Variants in ANO1 observed in about 807,000 individuals in gnomAD.
ANO1 encodes anoctamin 1.
ANO1 carries 59 observed loss-of-function variants against 124.0 expected under a neutral mutation model. The ratio of observed to expected loss-of-function variants is 0.48; its 90% confidence interval spans 0.39 to 0.59. The LOEUF (loss-of-function observed/expected upper bound fraction) is 0.59, where lower values mean the gene tolerates loss of function less well. ANO1 is among the 20% of genes least tolerant of loss of function. ANO1 has a pLI of 0.00. For missense variants in ANO1, 1,059 were observed against 1,328.0 expected (o/e 0.80, Z 3.15); for synonymous variants, 529 against 532.0 (o/e 0.99, Z 0.08).
chr11:70,091,731 C>T (rs1385852164), intron 2 of ANO1, among the ~76,000 whole-genome samples: 1 of 152,136 alleles, frequency 6.6e-6, no homozygotes, highest in Admixed American at 6.5e-5. Flanking sequence ...GGCCTTTGTT[C>T]CTGGGGCGCC....
intron 1 of ANO1, among the ~76,000 whole-genome samples, chr11:70,063,022 C>T (rs543534062): frequency 2.0e-5 from 3 of 152,178 alleles, no homozygotes; most frequent in South Asian, 2.1e-4. Flanking sequence ...CTCTGCCTCC[C>T]GGGTTCAAGC....
chr11:70,080,342 C>T (rs189390348), intron 1 of ANO1, among the ~76,000 whole-genome samples: 32 of 152,162 alleles, frequency 2.1e-4, no homozygotes, highest in African/African-American at 7.2e-4. Context: ...AGAAAGCCTG[C>T]CTGAAGAATA....
chr11:70,039,598 C>A (rs1457345744), intron 1 of ANO1, among the ~76,000 whole-genome samples: 1 of 151,620 alleles, frequency 6.6e-6, no homozygotes, highest in African/African-American at 2.4e-5. Flanking sequence ...TCCCCTTCCG[C>A]AGGTGGTAGT....
chr11:70,059,813 G>A (rs1555007473), intron 1 of ANO1, among the ~76,000 whole-genome samples: 1 of 152,210 alleles, frequency 6.6e-6, no homozygotes, highest in Non-Finnish European at 1.5e-5. Context: ...ATGATCGAAG[G>A]ACCACTTGCC....
At chr11:70,176,410 G>A (rs1329058965) in intron 22 of ANO1, among the ~76,000 whole-genome samples, 1 of 152,100 alleles carries the variant, frequency 6.6e-6, no homozygotes, top group African/African-American at 2.4e-5. Flanking sequence ...GCCTACCAAA[G>A]TGCTGGGATT....
the ANO1 span, among the ~76,000 whole-genome samples, chr11:69,979,030 G>T: frequency 5.4e-4 from 82 of 152,188 alleles, no homozygotes; most frequent in African/African-American, 1.9e-3. Flanking sequence ...CCAAAAACTC[G>T]AGCGATGCGG....
At chr11:70,108,491 C>T (rs1429411433) in intron 6 of ANO1, 87 bp downstream of exon 6, 10 of 1,449,150 alleles carry the variant, frequency 6.9e-6, no homozygotes, top group East Asian at 4.6e-5. Flanking sequence ...GGCAGGCAGC[C>T]GGCTTGGGGT....
chr11:70,155,832 C>G, intron 14 of ANO1, 79 bp from the exon 15 acceptor site: 1 of 1,337,768 alleles, frequency 7.5e-7, no homozygotes. Context: ...AAGATGGGGA[C>G]GGTTCCCTGG....
At chr11:70,131,817 C>T in intron 10 of ANO1, 102 bp from the exon 11 acceptor site, 1 of 1,421,674 alleles carries the variant, frequency 7.0e-7, no homozygotes, top group Admixed American at 2.1e-5. Context: ...CTCGCCAACC[C>T]CCAGCTTGGG....
chr11:70,008,623 C>T (rs1405525387), intron 1 of ANO1, among the ~76,000 whole-genome samples: 2 of 146,678 alleles, frequency 1.4e-5, no homozygotes, highest in African/African-American at 5.1e-5. Context: ...CTGCCAGTGC[C>T]AACTGTTTTA....
At chr11:70,001,259 C>G (rs4411302) in intron 1 of ANO1, among the ~76,000 whole-genome samples, 1 of 152,046 alleles carries the variant, frequency 6.6e-6, no homozygotes, top group African/African-American at 2.4e-5. Flanking sequence ...AAATAGAATG[C>G]TCAGTAAACA....
the ANO1 span, among the ~76,000 whole-genome samples, chr11:69,970,256 C>T: frequency 1.3e-5 from 2 of 152,164 alleles, no homozygotes; most frequent in African/African-American, 4.8e-5. Context: ...ACCCCGCGGC[C>T]ACAGTGCGCA....
intron 1 of ANO1, among the ~76,000 whole-genome samples, chr11:70,087,013 G>T (rs186183489): frequency 5.3e-5 from 8 of 152,358 alleles, no homozygotes; most frequent in Admixed American, 4.6e-4. Flanking sequence ...AGATTTGCAC[G>T]CACAGAACCT....
intron 1 of ANO1, among the ~76,000 whole-genome samples, chr11:70,029,952 A>T (rs1555003644): frequency 6.6e-6 from 1 of 152,146 alleles, no homozygotes; most frequent in African/African-American, 2.4e-5. Context: ...GATTAGGGCC[A>T]CTGGAGGAGT....
At chr11:70,012,657 A>C (rs1232154473) in intron 1 of ANO1, among the ~76,000 whole-genome samples, 1 of 151,002 alleles carries the variant, frequency 6.6e-6, no homozygotes. Context: ...CCATCTATCT[A>C]TCCATCCATT....
At chr11:70,004,655 A>C (rs1230838414) in intron 1 of ANO1, among the ~76,000 whole-genome samples, 1 of 152,246 alleles carries the variant, frequency 6.6e-6, no homozygotes, top group Non-Finnish European at 1.5e-5. Flanking sequence ...CCCTCAAAAA[A>C]TATCGTGGAG....
At chr11:70,097,661 T>C (rs1323777295) in intron 2 of ANO1, among the ~76,000 whole-genome samples, 2 of 152,204 alleles carry the variant, frequency 1.3e-5, no homozygotes, top group Non-Finnish European at 2.9e-5. Context: ...CGTCCATATT[T>C]ACTGAAGTGG....
intron 1 of ANO1, among the ~76,000 whole-genome samples, chr11:69,995,718 T>C (rs1371611532): frequency 1.3e-5 from 2 of 152,120 alleles, no homozygotes; most frequent in African/African-American, 2.4e-5. Flanking sequence ...ATATCAAGGG[T>C]ACATACTGTC....
At chr11:70,064,280 T>G (rs1469101489) in intron 1 of ANO1, 1 of 152,214 alleles carries the variant, frequency 6.6e-6, no homozygotes, top group Non-Finnish European at 1.5e-5. Flanking sequence ...TCACCCTTCT[T>G]CACTCCCCCT....
Sources: allele counts gnomAD v4.1 joint callset (sites outside exome capture counted in the v4.1 genomes callset), GRCh38; gene constraint gnomAD v4.1.1; transcripts MANE v1.5; gene names NCBI Gene and HGNC (gene_info 2026-07-23, HGNC 2026-07-21).